JAKMIP3: variants seen among roughly 807,000 people sequenced by gnomAD.
JAKMIP3 encodes the protein janus kinase and microtubule-interacting protein 3.
A neutral mutation model predicts 118.5 loss-of-function variants in JAKMIP3; 58 were observed. That is an observed-to-expected ratio of 0.49 (90% CI 0.40 to 0.61). The LOEUF is 0.61. Ranked by LOEUF, JAKMIP3 falls within the 20% of genes least tolerant of loss-of-function variation. The pLI is 0.00. For synonymous variants in JAKMIP3, 486 were observed against 451.2 expected (o/e 1.08, Z -0.98); for missense variants, 950 against 1,109.0 (o/e 0.86, Z 2.04).
At chr10:132,099,397 T>A (rs2044471480) in intron 1 of JAKMIP3, among the ~76,000 whole-genome samples, 1 of 152,270 alleles carries the variant, frequency 6.6e-6, no homozygotes. Flanking sequence ...GGAAATAAGT[T>A]GTTTTATTAC....
chr10:132,168,059 G>T lies in JAKMIP3; in HGVS notation c.*129G>T. On this transcript the variant is annotated 3_prime_UTR_variant, in exon 23 of 24. Transcript: ENST00000684848. The stretch of plus-strand genomic sequence containing the variant: ...ACCCAGGGAGATTTGGTCTCTGCAC[G>T]CCCGTCCCGTGGAGGAAGAGTGAGA... 7.8e-6 allele frequency: 10 copies of T among 1,289,576 alleles called. No individual in the cohort carries two copies. Among genetic ancestry groups the T allele is most frequent in the Non-Finnish European group, 1.0e-5 (10 of 988,822 alleles). The allele number at this position is 1,289,576 out of a possible 1,614,324, so 79.9% of individuals were successfully genotyped here.
chr10:132,133,586 GCTGCATGGCC>G, intron 4 of JAKMIP3, 59 bp downstream of exon 4: 1 of 1,473,724 alleles, frequency 6.8e-7, no homozygotes, highest in Non-Finnish European at 9.3e-7. Context: ...TGGCCATGTG[GCTGCATGGCC>G]CTGCATGGGC....
intron 2 of JAKMIP3, among the ~76,000 whole-genome samples, chr10:132,108,852 TTATATA>T (rs995741478): frequency 2.1e-5 from 3 of 139,972 alleles, no homozygotes; most frequent in Non-Finnish European, 4.6e-5. Flanking sequence ...AAAAAAAAAA[TTATATA>T]TATGTATATA....
At chr10:132,077,116 C>T (rs1181053362) in intron 1 of JAKMIP3, among the ~76,000 whole-genome samples, 1 of 152,250 alleles carries the variant, frequency 6.6e-6, no homozygotes, top group East Asian at 1.9e-4. Flanking sequence ...TGGCAGCCAA[C>T]TTCTGCCCAC....
intron 22 of JAKMIP3, 86 bp downstream of exon 22, chr10:132,167,141 C>A: frequency 1.1e-6 from 1 of 922,562 alleles, no homozygotes. Flanking sequence ...AGGGAGTTGC[C>A]CACCTGCCAT....
chr10:132,042,084 C>A (rs985284520), intron 1 of JAKMIP3, among the ~76,000 whole-genome samples: 2 of 152,098 alleles, frequency 1.3e-5, no homozygotes, highest in South Asian at 2.1e-4. Flanking sequence ...CCAGGCTAGT[C>A]TTGAATCCTG....
rs1465054382 is a variant in JAKMIP3, at chr10:132,168,506, G to A, written c.*576G>A. ...AGGGGCCCCTCCGATGCTGCAATAT[G>A]TTGCTGGGGTCCTGAGCACCCGCTG... On this transcript the variant is annotated 3_prime_UTR_variant, in exon 23 of 24. Transcript: ENST00000684848. 4.3e-6 allele frequency: 3 copies of A among 705,132 alleles called. No individual in the cohort carries two copies. Among genetic ancestry groups the A allele is most frequent in the Non-Finnish European group, 6.1e-6 (3 of 491,046 alleles). 43.7% of individuals were successfully genotyped at this position (705,132 alleles called of 1,614,324 possible). A position where few individuals can be genotyped will look rare whatever the true frequency, so the allele number is the denominator to read the frequency against.
chr10:132,178,527 C>A (rs1235341931), intron 23 of JAKMIP3, among the ~76,000 whole-genome samples: 1 of 152,228 alleles, frequency 6.6e-6, no homozygotes, highest in Non-Finnish European at 1.5e-5. Context: ...GACAAAAGAG[C>A]ATATGGGGAA....
At position 132,054,926 on chromosome 10, in the gene JAKMIP3, G is replaced by A. The variant is rs561016447; in HGVS notation, c.-138+18188G>A. Reference sequence around the variant, plus strand: ...AGTGAGAGTCCTGCACTCCTACACCGAGGACCCTCCGCTTGGGGATAGTGA... The same window carrying A: ...AGTGAGAGTCCTGCACTCCTACACCAAGGACCCTCCGCTTGGGGATAGTGA... On this transcript the variant is annotated intron_variant, in intron 1 of 23. Transcript: ENST00000657785. Among the ~76,000 whole-genome samples, 17 of 151,606 alleles carry A rather than the reference G, an allele frequency of 1.1e-4. No homozygotes were observed. The East Asian group carries it at 2.7e-3, about 24-fold the overall frequency.
chr10:132,166,087 G>T (rs1196431590), intron 21 of JAKMIP3, among the ~76,000 whole-genome samples: 1 of 152,224 alleles, frequency 6.6e-6, no homozygotes, highest in Non-Finnish European at 1.5e-5. Context: ...ACTTTAGGAG[G>T]CCTAGATGGG....
At position 132,073,989 on chromosome 10, in the gene JAKMIP3, A is replaced by G. The variant is rs1381611983; in HGVS notation, c.-138+7928A>G. ...GGTTGTACTAATTTACATTCCCACC[A>G]GCAGCGTACAAGAGTTCCCTTTTGT... is the stretch of plus-strand genomic sequence containing the variant. On this transcript the variant is annotated intron_variant, in intron 1 of 23. Transcript: ENST00000684848. 3.0e-5 allele frequency among the ~76,000 whole-genome samples: 4 copies of G among 134,816 alleles called. No homozygotes were observed. The Admixed American group carries it at 3.4e-4, about 11-fold the overall frequency. 88.4% of individuals were successfully genotyped at this position (134,816 alleles called of 152,430 possible).
At chr10:132,127,402 G>A (rs1248752861) in intron 3 of JAKMIP3, among the ~76,000 whole-genome samples, 1 of 150,364 alleles carries the variant, frequency 6.7e-6, no homozygotes, top group Non-Finnish European at 1.5e-5. Flanking sequence ...TTGTGTGTGT[G>A]TGTGTGTGTG....
intron 1 of JAKMIP3, among the ~76,000 whole-genome samples, chr10:132,040,227 C>G (rs1009968985): frequency 1.3e-5 from 2 of 152,228 alleles, no homozygotes; most frequent in African/African-American, 2.4e-5. Context: ...GCTCTCTCCA[C>G]AGGGCACAGA....
At chr10:132,180,870 T>C (rs1480865489) in intron 23 of JAKMIP3, among the ~76,000 whole-genome samples, 1 of 152,056 alleles carries the variant, frequency 6.6e-6, no homozygotes, top group Non-Finnish European at 1.5e-5. Context: ...GAGTGGTGTC[T>C]TTGGGCATGT....
intron 19 of JAKMIP3, among the ~76,000 whole-genome samples, chr10:132,159,349 G>A (rs1327854673): frequency 2.7e-5 from 3 of 111,520 alleles, no homozygotes; most frequent in East Asian, 2.7e-4. Context: ...ATGCTGAGGG[G>A]GCCTCTCCCT....
intron 9 of JAKMIP3, among the ~76,000 whole-genome samples, chr10:132,138,599 A>G (rs184858657): frequency 2.0e-5 from 3 of 152,372 alleles, no homozygotes; most frequent in Admixed American, 2.0e-4. Flanking sequence ...ATAGGACCCA[A>G]AGAAAATATT....
At chr10:132,108,134 G>T (rs184986015) in intron 2 of JAKMIP3, among the ~76,000 whole-genome samples, 3 of 152,346 alleles carry the variant, frequency 2.0e-5, no homozygotes, top group Admixed American at 1.3e-4. Flanking sequence ...CTTAGCCAAG[G>T]ACTCTGAAAT....
rs1284600940 is a variant in JAKMIP3 at position 132,179,421 on chromosome 10, GC to G, written c.*1104-2931del. ...TCAGCCACCTGAGCAGCACTTTCCT[GC>G]CCCCTCCCTGAGAACTGGGAGCTCT... On this transcript the variant is annotated intron_variant, in intron 23 of 23. Transcript: ENST00000684848. This position sits in a 1 kb window ranked among gnomAD's most constrained non-coding sequence, Gnocchi z 4.3. Among the ~76,000 whole-genome samples, 3 of 152,080 alleles carry G rather than the reference GC, an allele frequency of 2.0e-5. No individual in the cohort carries two copies. Among genetic ancestry groups the G allele is most frequent in the African/African-American group, 7.2e-5 (3 of 41,382 alleles).
chr10:132,071,160 A>AGTGTGTGTGTGTGTGTGTGTGTGT (rs3068079), intron 1 of JAKMIP3, among the ~76,000 whole-genome samples: 1 of 149,044 alleles, frequency 6.7e-6, no homozygotes, highest in South Asian at 2.2e-4. Context: ...GTCATTTAAA[A>AGTGTGTGTGTGTGTGTGTGTGTGT]GTGTGTGTGT....
Sources: allele counts gnomAD v4.1 joint callset (sites outside exome capture counted in the v4.1 genomes callset), GRCh38; gene constraint gnomAD v4.1.1; non-coding constraint Gnocchi (gnomAD v3.1); transcripts MANE v1.5; gene names NCBI Gene and HGNC (gene_info 2026-07-23, HGNC 2026-07-21).